The following WLS variants were observed in gnomAD, a reference collection of about 807,000 sequenced individuals.
WLS encodes the protein protein wntless homolog.
WLS carries 23 observed loss-of-function variants against 62.8 expected under a neutral mutation model. The observed-to-expected ratio is 0.37, with a 90% CI of 0.26 to 0.52. The LOEUF is 0.52. WLS is among the 20% of genes least tolerant of loss of function. WLS has a pLI of 0.92. For missense variants in WLS, 615 were observed against 697.3 expected (o/e 0.88, Z 1.33); for synonymous variants, 246 against 244.1 (o/e 1.01, Z -0.07).
intron 1 of WLS, among the ~76,000 whole-genome samples, chr1:68,222,689 A>G (rs1006925040): frequency 7.2e-5 from 11 of 152,126 alleles, no homozygotes; most frequent in Non-Finnish European, 1.6e-4. Context: ...TTCCTTCTAA[A>G]TTAAGGTAGA....
intron 1 of WLS, among the ~76,000 whole-genome samples, chr1:68,196,554 C>T (rs1428891826): frequency 6.6e-6 from 1 of 151,972 alleles, no homozygotes; most frequent in Non-Finnish European, 1.5e-5. Context: ...ATATTCTGCC[C>T]TACTTCTAAT....
chr1:68,164,629 G>A (rs929958179), intron 2 of WLS, among the ~76,000 whole-genome samples: 2 of 152,176 alleles, frequency 1.3e-5, no homozygotes, highest in Admixed American at 6.5e-5. Context: ...CACTCCTATA[G>A]AGGGGATATT....
intron 2 of WLS, among the ~76,000 whole-genome samples, chr1:68,169,960 C>T (rs1468889079): frequency 6.6e-6 from 1 of 152,164 alleles, no homozygotes; most frequent in African/African-American, 2.4e-5. Flanking sequence ...GACAGACAGG[C>T]TGGGACCACA....
chr1:68,152,799 G>C (rs1245427248), intron 5 of WLS, among the ~76,000 whole-genome samples: 1 of 152,194 alleles, frequency 6.6e-6, no homozygotes, highest in African/African-American at 2.4e-5. Context: ...GGACATGTTT[G>C]TATATTAATA....
intron 11 of WLS, among the ~76,000 whole-genome samples, chr1:68,110,007 T>TTAAAA (rs1253049692): frequency 3.5e-5 from 1 of 28,456 alleles, no homozygotes; most frequent in Non-Finnish European, 6.3e-5. Context: ...ACACAAAAAG[T>TTAAAA]AAAAAAAAAA....
intron 2 of WLS, among the ~76,000 whole-genome samples, chr1:68,178,846 A>T (rs909547946): frequency 6.6e-6 from 1 of 152,226 alleles, no homozygotes; most frequent in African/African-American, 2.4e-5. Flanking sequence ...ACAAGTCCCA[A>T]TAATGCCTAT....
chr1:68,171,819 A>T (rs1449770811), intron 2 of WLS, among the ~76,000 whole-genome samples: 2 of 152,240 alleles, frequency 1.3e-5, no homozygotes, highest in Non-Finnish European at 2.9e-5. Flanking sequence ...CTGGGTATAT[A>T]CCCAAAGGAT....
At chr1:68,208,972 C>A (rs1052191603) in intron 1 of WLS, among the ~76,000 whole-genome samples, 1 of 152,140 alleles carries the variant, frequency 6.6e-6, no homozygotes, top group Admixed American at 6.5e-5. Context: ...TTCTTGGCTG[C>A]CCGGTCCCCA....
chr1:68,143,323 C>G (rs2566788), intron 10 of WLS, among the ~76,000 whole-genome samples: 93,525 of 151,908 alleles, frequency 0.62, 29,159 homozygotes, highest in Non-Finnish European at 0.67. Flanking sequence ...AGAAGGACTG[C>G]GTTCTGATCT....
chr1:68,149,572 G>T (rs1223385257), intron 6 of WLS, among the ~76,000 whole-genome samples: 3 of 152,166 alleles, frequency 2.0e-5, no homozygotes, highest in Non-Finnish European at 2.9e-5. Flanking sequence ...GTTCCAGCTG[G>T]CATATCATCT....
intron 2 of WLS, among the ~76,000 whole-genome samples, chr1:68,178,413 C>T (rs1407833531): frequency 6.6e-6 from 1 of 152,158 alleles, no homozygotes; most frequent in Admixed American, 6.6e-5. Flanking sequence ...AAATAATTCA[C>T]TCTTAGGCCA....
intron 11 of WLS, among the ~76,000 whole-genome samples, chr1:68,106,460 G>A (rs936621084): frequency 6.6e-6 from 1 of 152,156 alleles, no homozygotes; most frequent in Admixed American, 6.5e-5. Context: ...AGCATCTCTG[G>A]GACACCAGAC....
At chr1:68,210,844 T>C (rs553536129) in intron 1 of WLS, among the ~76,000 whole-genome samples, 1 of 152,184 alleles carries the variant, frequency 6.6e-6, no homozygotes, top group East Asian at 1.9e-4. Flanking sequence ...GGAGGATTTT[T>C]CCCCTCTGTT....
In WLS at chr1:68,232,449, G is replaced by A. The variant is rs113345699; in HGVS notation, c.-150C>T. 6 of 1,393,976 alleles carry A rather than the reference G, an allele frequency of 4.3e-6. No individual in the cohort carries two copies. The Admixed American group carries it at 9.4e-5, about 22-fold the overall frequency. 86.4% of individuals were successfully genotyped at this position (1,393,976 alleles called of 1,614,324 possible). ...GCTGGAGCGCGGCGAGGATGGGACC[G>A]GGACGGAAGGCGCCCGCACGGATTC... On this transcript the variant is annotated 5_prime_UTR_variant, in exon 1 of 12. Coordinates refer to ENST00000262348, the MANE Select transcript of WLS (RefSeq NM_024911.7).
At chr1:68,102,447 T>A (rs1646091834) in intron 11 of WLS, among the ~76,000 whole-genome samples, 1 of 152,144 alleles carries the variant, frequency 6.6e-6, no homozygotes, top group African/African-American at 2.4e-5. Context: ...TCTCCAGAAT[T>A]CATTGATTTG....
At chr1:68,207,535 A>G (rs921690809) in intron 1 of WLS, among the ~76,000 whole-genome samples, 1 of 152,218 alleles carries the variant, frequency 6.6e-6, no homozygotes, top group African/African-American at 2.4e-5. Flanking sequence ...ACCCTCTACA[A>G]AAAGTATGTC....
At chr1:68,224,739 G>A (rs898261224) in intron 1 of WLS, among the ~76,000 whole-genome samples, 2 of 152,126 alleles carry the variant, frequency 1.3e-5, no homozygotes, top group African/African-American at 2.4e-5. Context: ...TGATATGAGT[G>A]CATGGTTTGG....
chr1:68,193,793 T>C (rs1369524503), intron 2 of WLS, 162 bp downstream of exon 2: 4 of 877,658 alleles, frequency 4.6e-6, no homozygotes, highest in Non-Finnish European at 6.8e-6. Flanking sequence ...GAAGATTAAA[T>C]GGGTTAATAC....
intron 1 of WLS, among the ~76,000 whole-genome samples, chr1:68,230,954 C>T (rs1650383413): frequency 6.6e-6 from 1 of 152,194 alleles, no homozygotes; most frequent in African/African-American, 2.4e-5. Flanking sequence ...CGGGCGTTTT[C>T]CCCGCACCCC....
Sources: gnomAD v4.1 joint callset for allele counts (sites outside exome capture counted in the v4.1 genomes callset) on GRCh38, gnomAD v4.1.1 for gene constraint, MANE v1.5 for transcripts, NCBI Gene and HGNC (gene_info 2026-07-23, HGNC 2026-07-21) for gene names.